EIF4ENIF1: variants seen among roughly 807,000 people sequenced by gnomAD.
The protein encoded by EIF4ENIF1 is eukaryotic translation initiation factor 4E transporter.
Under a neutral mutation model 110.5 loss-of-function variants are expected in EIF4ENIF1, and 23 were observed. The observed-to-expected ratio is 0.21, with a 90% CI of 0.15 to 0.29. EIF4ENIF1 has a LOEUF of 0.29. EIF4ENIF1 is among the 10% of genes least tolerant of loss of function. The probability of loss-of-function intolerance (pLI) is 1.00; values close to 1 mark genes in which losing one functional copy is unlikely to be tolerated. For missense variants in EIF4ENIF1, 1,031 were observed against 1,221.1 expected, an observed-to-expected ratio of 0.84 and a Z score of 2.32; for synonymous variants, 440 against 437.0, an observed-to-expected ratio of 1.01 and a Z score of -0.09.
chr22:31,450,848 CACACACACA>C (rs1569073571), intron 10 of EIF4ENIF1: 2 of 67,802 alleles, frequency 2.9e-5, no homozygotes, highest in Non-Finnish European at 6.6e-5. Context: ...ATATACTACA[CACACACACA>C]CACACACACA....
rs1391358324 is a variant in EIF4ENIF1, at chr22:31,470,576, G to A, written c.170+1268C>T. On this transcript the variant is annotated intron_variant, in intron 3 of 18. Transcript: ENST00000330125. ...TTACAGGTGTGAGCCACTGCACCTG[G>A]CCCATCATCTCTTAAATATCAAGGT... Among the ~76,000 whole-genome samples, 13 of 151,864 alleles carry A rather than the reference G, an allele frequency of 8.6e-5. No homozygotes were observed. The East Asian group carries it at 2.3e-3, about 27-fold the overall frequency.
At position 31,472,523 on chromosome 22, in the gene EIF4ENIF1, C is replaced by G. The variant is rs536514442; in HGVS notation, c.97-606G>C. ...ACCTCAGGCGATCTGCCCGCCTCGG[C>G]CTCCCAAAGTGCTGGGATTACAGGT... On this transcript the variant is annotated intron_variant, in intron 2 of 18. Transcript: ENST00000330125. Among the ~76,000 whole-genome samples the G allele has an allele frequency of 1.7e-4, 26 of 152,312 alleles. No homozygotes were observed. The South Asian group carries it at 4.8e-3, about 28-fold the overall frequency.
chr22:31,475,043 A>C (rs2051523219), intron 2 of EIF4ENIF1, among the ~76,000 whole-genome samples: 1 of 152,204 alleles, frequency 6.6e-6, no homozygotes, highest in South Asian at 2.1e-4. Context: ...TGTTTACAGA[A>C]AACTGAAGCA....
At position 31,440,913 on chromosome 22, in the gene EIF4ENIF1, C is replaced by T. The variant is rs773802200; in HGVS notation, c.2552-45G>A. 5 of 1,607,822 alleles carry T rather than the reference C, an allele frequency of 3.1e-6. No homozygotes were observed. The South Asian group carries it at 5.5e-5, about 18-fold the overall frequency. On this transcript the variant is annotated intron_variant, in intron 17 of 18. Transcript: ENST00000330125. The stretch of plus-strand genomic sequence containing the variant: ...AGCAGCTGAGTAGTCTTAATGTTAC[C>T]TGGAAGTTTTCCAGCTTCACTGTAC...
In EIF4ENIF1 at chr22:31,442,967, C is replaced by T. The variant is rs769848529; in HGVS notation, c.2201G>A (p.Ser734Asn). ...GDSKEDTQKA[S>N]EENLLSSSSV... ...CCTTAACAGCTCTGCAGTACCTTCA[C>T]TGGCCTTCTGAGTATCCTCTTTACT... The change falls in exon 16 of 19, where the codon AGT becomes AAT. Residue 734 changes from serine (S) to asparagine (N), a missense_variant. Physicochemically the swap from Ser to Asn is conservative, Grantham distance 46. This residue lies in a region of EIF4ENIF1 where 309 missense variants were observed against 299.1 expected (regional missense o/e 1.03). Coordinates refer to ENST00000330125, the MANE Select transcript of EIF4ENIF1 (RefSeq NM_019843.4). 11 of 1,613,866 alleles carry T rather than the reference C, an allele frequency of 6.8e-6. No homozygotes were observed. Among genetic ancestry groups the T allele is most frequent in the Non-Finnish European group, 9.3e-6 (11 of 1,179,898 alleles).
Position 31,455,994 on chromosome 22 carries a change from A to G in EIF4ENIF1, c.964-7T>C. 1 of 1,612,580 alleles carries G rather than the reference A, an allele frequency of 6.2e-7. No homozygotes were observed. Among genetic ancestry groups the G allele is most frequent in the South Asian group, 1.1e-5 (1 of 90,676 alleles). On this transcript the variant is annotated splice_region_variant and splice_polypyrimidine_tract_variant and intron_variant, in intron 7 of 18. Transcript: ENST00000330125. ...CCAAAACATCTTCTATCATCTGAAGAAAAAGACAATAAAAACTAATAGTTT... is the reference window on the plus strand; with the variant it reads ...CCAAAACATCTTCTATCATCTGAAGGAAAAGACAATAAAAACTAATAGTTT...
rs978898723 is a variant in EIF4ENIF1 at position 31,441,494 on chromosome 22, T to G, written c.2551+280A>C. Among the ~76,000 whole-genome samples the G allele has an allele frequency of 2.1e-5, 3 of 141,212 alleles. No individual in the cohort carries two copies. In the Admixed American group the frequency reaches 2.3e-4, roughly 11 times the overall value. The allele number at this position is 141,212 out of a possible 152,430, so 92.6% of individuals were successfully genotyped here. On this transcript the variant is annotated intron_variant, in intron 17 of 18. Coordinates refer to ENST00000330125, the MANE Select transcript of EIF4ENIF1 (RefSeq NM_019843.4). ...GGCAGAGGTTGCAGTGAGCTGAGAT[T>G]GCGCCACTGCACTCCAGCCAGGCAG...
chr22:31,464,116 CAT>C (rs2051092944), intron 4 of EIF4ENIF1, 149 bp from the exon 5 acceptor site: 4 of 924,550 alleles, frequency 4.3e-6, no homozygotes, highest in Non-Finnish European at 6.3e-6. Context: ...TTCAGGGTAA[CAT>C]GTACATTATG....
intron 15 of EIF4ENIF1, 82 bp from the exon 16 acceptor site, chr22:31,443,176 C>A: frequency 1.3e-6 from 2 of 1,551,676 alleles, no homozygotes; most frequent in Non-Finnish European, 1.7e-6. Flanking sequence ...TGTCAAGATA[C>A]TCAACAAAGA....
intron 2 of EIF4ENIF1, among the ~76,000 whole-genome samples, chr22:31,474,262 C>T (rs1039454275): frequency 6.6e-6 from 1 of 151,950 alleles, no homozygotes; most frequent in African/African-American, 2.4e-5. Flanking sequence ...AGTTTCACCA[C>T]GTTGACCAGA....
intron 7 of EIF4ENIF1, among the ~76,000 whole-genome samples, chr22:31,456,382 C>A (rs906275301): frequency 6.6e-6 from 1 of 151,624 alleles, no homozygotes; most frequent in Non-Finnish European, 1.5e-5. Context: ...TGCCACCACG[C>A]CCGGCTAATT....
intron 10 of EIF4ENIF1, 58 bp downstream of exon 10, chr22:31,454,086 T>TG: frequency 6.8e-7 from 1 of 1,476,362 alleles, no homozygotes; most frequent in Non-Finnish European, 9.3e-7. Context: ...TTTATTGTGG[T>TG]GGGAAAAAGA....
chr22:31,490,742 A>C (rs929225721), upstream of EIF4ENIF1, among the ~76,000 whole-genome samples: 1 of 152,162 alleles, frequency 6.6e-6, no homozygotes, highest in African/African-American at 2.4e-5. Flanking sequence ...AGGAAGTCCT[A>C]TGTGCTGGAA....
chr22:31,450,843 C>CCACACACACACACACA (rs1569073447), intron 10 of EIF4ENIF1: 1 of 96,858 alleles, frequency 1.0e-5, no homozygotes, highest in Non-Finnish European at 2.1e-5. Flanking sequence ...TATATATATA[C>CCACACACACACACACA]TACACACACA....
At chr22:31,484,123 T>C (rs527480282) in intron 2 of EIF4ENIF1, among the ~76,000 whole-genome samples, 8 of 152,298 alleles carry the variant, frequency 5.3e-5, no homozygotes, top group Admixed American at 3.9e-4. Context: ...ACTTAAAGTA[T>C]AGTCAGTGGA....
rs909159809 is a variant in EIF4ENIF1, at chr22:31,439,778, G to C, written c.*102C>G. On this transcript the variant is annotated 3_prime_UTR_variant, in exon 19 of 19. Coordinates refer to ENST00000330125, the MANE Select transcript of EIF4ENIF1 (RefSeq NM_019843.4). ...GGGTTCCACCAAACAGCTTCACACA[G>C]AGTGCTCCAAAGTAAAAGCCCATAA... 4.0e-6 allele frequency: 6 copies of C among 1,502,714 alleles called. No homozygotes were observed. The highest frequency in any genetic ancestry group is 4.6e-5 in the East Asian group (2 of 43,756). The allele number at this position is 1,502,714 out of a possible 1,614,324, so 93.1% of individuals were successfully genotyped here.
rs2050358976 is a variant in EIF4ENIF1 at position 31,443,215 on chromosome 22, G to T, written c.2074-121C>A. On this transcript the variant is annotated intron_variant, in intron 15 of 18. Transcript: ENST00000330125. ...CCCACATTGGTAGCATAGGCCAACT[G>T]TAGTATTCTGTTCTGTAGCTGCTGG... The T allele has an allele frequency of 3.6e-6, 5 of 1,369,990 alleles. No individual in the cohort carries two copies. In the Admixed American group the frequency reaches 9.7e-5, roughly 27 times the overall value. The allele number at this position is 1,369,990 out of a possible 1,614,324, so 84.9% of individuals were successfully genotyped here. A position where few individuals can be genotyped will look rare whatever the true frequency, so the allele number is the denominator to read the frequency against.
intron 8 of EIF4ENIF1, 140 bp downstream of exon 8, chr22:31,455,712 A>T (rs2050793879): frequency 8.5e-7 from 1 of 1,169,872 alleles, no homozygotes; most frequent in African/African-American, 1.5e-5. Flanking sequence ...CAACAATATT[A>T]AAAGGACACA....
At chr22:31,447,403 CAT>C in intron 14 of EIF4ENIF1, 21 bp downstream of exon 14, 7 of 1,606,094 alleles carry the variant, frequency 4.4e-6, no homozygotes, top group Non-Finnish European at 5.1e-6. Context: ...TAAATCTCCA[CAT>C]GAGCAGGATT....
Sources: gnomAD v4.1 joint callset for allele counts (sites outside exome capture counted in the v4.1 genomes callset) on GRCh38, gnomAD v4.1.1 for gene constraint, gnomAD v4.1.1 regional missense constraint, MANE v1.5 for transcripts, NCBI Gene and HGNC (gene_info 2026-07-23, HGNC 2026-07-21) for gene names.